EXOC6B: variants seen among roughly 807,000 people sequenced by gnomAD.
EXOC6B encodes the protein SEC15 homolog B.
EXOC6B carries 54 observed loss-of-function variants against 113.5 expected under a neutral mutation model. The ratio of observed to expected loss-of-function variants is 0.48; its 90% CI spans 0.38 to 0.60. The LOEUF (loss-of-function observed/expected upper bound fraction) is 0.60. Among genes scored for constraint, EXOC6B ranks in the 20% least tolerant of loss-of-function variants. EXOC6B has a pLI of 0.00. For synonymous variants in EXOC6B, 357 were observed against 339.0 expected (o/e 1.05, Z -0.58); for missense variants, 797 against 977.5 (o/e 0.82, Z 2.46).
intron 18 of EXOC6B, among the ~76,000 whole-genome samples, chr2:72,414,236 G>T (rs1694376263): frequency 6.6e-6 from 1 of 152,138 alleles, no homozygotes; most frequent in Admixed American, 6.5e-5. Flanking sequence ...GACATTAAGA[G>T]AATTCCAAGG....
At chr2:72,237,619 C>G (rs1025056025) in intron 20 of EXOC6B, among the ~76,000 whole-genome samples, 3 of 152,178 alleles carry the variant, frequency 2.0e-5, no homozygotes, top group Non-Finnish European at 2.9e-5. Flanking sequence ...ACAGAGTCAA[C>G]CCTATCCTTA....
chr2:72,540,541 A>T (rs1702543161), intron 8 of EXOC6B, among the ~76,000 whole-genome samples: 1 of 152,212 alleles, frequency 6.6e-6, no homozygotes, highest in African/African-American at 2.4e-5. Context: ...CGAGAATAGG[A>T]TAATTGCTTA....
chr2:72,753,053 G>A (rs1004633767), intron 1 of EXOC6B, among the ~76,000 whole-genome samples: 1 of 151,894 alleles, frequency 6.6e-6, no homozygotes, highest in Non-Finnish European at 1.5e-5. Flanking sequence ...AATAATACCA[G>A]GATATATCTC....
At chr2:72,544,120 G>A (rs144527613) in intron 8 of EXOC6B, among the ~76,000 whole-genome samples, 381 of 152,200 alleles carry the variant, frequency 2.5e-3, no homozygotes, top group Middle Eastern at 0.014. Context: ...GGAAAATAAA[G>A]TCCATTTAAA....
intron 8 of EXOC6B, among the ~76,000 whole-genome samples, chr2:72,541,805 A>G (rs1702620863): frequency 6.6e-6 from 1 of 152,206 alleles, no homozygotes; most frequent in African/African-American, 2.4e-5. Flanking sequence ...GTGTTTTTAC[A>G]TAGACTTTTT....
At chr2:72,626,325 T>C (rs1672048036) in intron 6 of EXOC6B, among the ~76,000 whole-genome samples, 1 of 152,136 alleles carries the variant, frequency 6.6e-6, no homozygotes, top group South Asian at 2.1e-4. Context: ...TTGGAGTTCA[T>C]CTGAAAATAA....
At chr2:72,685,273 A>G (rs1677005437) in intron 6 of EXOC6B, among the ~76,000 whole-genome samples, 1 of 152,178 alleles carries the variant, frequency 6.6e-6, no homozygotes, top group South Asian at 2.1e-4. Flanking sequence ...GTAAACTTTG[A>G]TCTCCAAGTC....
chr2:72,283,422 A>C (rs1219557612), intron 20 of EXOC6B, among the ~76,000 whole-genome samples: 1 of 152,184 alleles, frequency 6.6e-6, no homozygotes, highest in African/African-American at 2.4e-5. Flanking sequence ...ATAGATAAAG[A>C]GAGTCACAAC....
At chr2:72,377,362 C>T (rs1691420728) in intron 19 of EXOC6B, among the ~76,000 whole-genome samples, 1 of 152,044 alleles carries the variant, frequency 6.6e-6, no homozygotes, top group Non-Finnish European at 1.5e-5. Flanking sequence ...AGTATATATC[C>T]AGAGGAGATG....
At chr2:72,648,256 C>G (rs963986526) in intron 6 of EXOC6B, among the ~76,000 whole-genome samples, 1 of 152,008 alleles carries the variant, frequency 6.6e-6, no homozygotes, top group Non-Finnish European at 1.5e-5. Flanking sequence ...GTTGGAATGG[C>G]GATCATTTAA....
At chr2:72,644,091 G>C (rs572610069) in intron 6 of EXOC6B, among the ~76,000 whole-genome samples, 4 of 152,152 alleles carry the variant, frequency 2.6e-5, no homozygotes, top group Non-Finnish European at 5.9e-5. Flanking sequence ...ACAGTGTAGA[G>C]AAAACCTTAA....
At chr2:72,254,553 T>C (rs548475637) in intron 20 of EXOC6B, among the ~76,000 whole-genome samples, 1 of 152,350 alleles carries the variant, frequency 6.6e-6, no homozygotes, top group East Asian at 1.9e-4. Context: ...AGGAAACTAA[T>C]ACAGATTTTG....
At chr2:72,819,647 T>TC (rs1359553507) in intron 1 of EXOC6B, among the ~76,000 whole-genome samples, 1 of 152,060 alleles carries the variant, frequency 6.6e-6, no homozygotes, top group African/African-American at 2.4e-5. Context: ...TAGAAATACT[T>TC]AAGTCCACAT....
chr2:72,424,118 C>T (rs534494573), intron 18 of EXOC6B, among the ~76,000 whole-genome samples: 24 of 139,572 alleles, frequency 1.7e-4, no homozygotes, highest in African/African-American at 6.9e-4. Context: ...GTTATTTTTG[C>T]CCTCTTATTT....
intron 20 of EXOC6B, among the ~76,000 whole-genome samples, chr2:72,280,208 A>G (rs535648114): frequency 3.0e-4 from 46 of 151,672 alleles, no homozygotes; most frequent in Non-Finnish European, 4.9e-4. Flanking sequence ...TTTCATTATC[A>G]TATTCTTTTT....
chr2:72,480,444 C>T (rs933282393), intron 17 of EXOC6B, among the ~76,000 whole-genome samples, 172 bp downstream of exon 17: 11 of 152,120 alleles, frequency 7.2e-5, no homozygotes, highest in Non-Finnish European at 1.3e-4. Flanking sequence ...CAAAAACTCG[C>T]ACTGGTATTT....
intron 20 of EXOC6B, among the ~76,000 whole-genome samples, chr2:72,233,645 G>T (rs960328407): frequency 2.0e-5 from 3 of 152,214 alleles, no homozygotes; most frequent in Non-Finnish European, 4.4e-5. Context: ...AGGTCCTAGA[G>T]CAGACCAGAA....
intron 20 of EXOC6B, among the ~76,000 whole-genome samples, chr2:72,232,118 C>T (rs1213062311): frequency 4.6e-5 from 7 of 152,018 alleles, no homozygotes; most frequent in East Asian, 3.9e-4. Context: ...GGACTACAGG[C>T]GTGCACCACC....
At chr2:72,271,274 G>T (rs1410346094) in intron 20 of EXOC6B, among the ~76,000 whole-genome samples, 1 of 152,126 alleles carries the variant, frequency 6.6e-6, no homozygotes, top group African/African-American at 2.4e-5. Flanking sequence ...AGTAGGTAAA[G>T]ATCACAGTGA....
Sources: gnomAD v4.1 joint callset for allele counts (sites outside exome capture counted in the v4.1 genomes callset) on GRCh38, gnomAD v4.1.1 for gene constraint, MANE v1.5 for transcripts, NCBI Gene and HGNC (gene_info 2026-07-23, HGNC 2026-07-21) for gene names.